NRG1: variants seen among roughly 807,000 people sequenced by gnomAD.
The protein encoded by NRG1 is pro-neuregulin-1, membrane-bound isoform.
In NRG1, 18 loss-of-function variants were observed where a neutral mutation model predicts 63.8. That is an observed-to-expected ratio of 0.28 (90% CI 0.19 to 0.42). NRG1 has a LOEUF of 0.42. Among genes scored for constraint, NRG1 ranks in the 10% least tolerant of loss-of-function variants. NRG1 has a pLI of 1.00. For synonymous variants in NRG1, 302 were observed against 301.3 expected (o/e 1.00, Z -0.02); for missense variants, 762 against 814.7 (o/e 0.94, Z 0.79).
chr8:32,477,910 C>T (rs1423867825), intron 1 of NRG1, among the ~76,000 whole-genome samples: 3 of 152,196 alleles, frequency 2.0e-5, no homozygotes, highest in African/African-American at 7.2e-5. Context: ...AGAAACAAGT[C>T]AGTTTCCCTC....
chr8:32,589,753 C>A (rs1443109085), intron 1 of NRG1, among the ~76,000 whole-genome samples: 1 of 152,140 alleles, frequency 6.6e-6, no homozygotes, highest in African/African-American at 2.4e-5. Flanking sequence ...TTCGATATAG[C>A]TGCACGAATA....
intron 1 of NRG1, among the ~76,000 whole-genome samples, chr8:32,172,733 G>A (rs897137044): frequency 1.3e-5 from 2 of 152,108 alleles, no homozygotes; most frequent in Non-Finnish European, 2.9e-5. Flanking sequence ...TGGAAGAAAG[G>A]GTATCAGTGA....
At position 32,719,498 on chromosome 8, in the gene NRG1, T is replaced by C. The variant is rs796147399; in HGVS notation, c.503-8451T>C. ...GTATGTATCTCTAAAAGATAAGGACTCTTCTATTTTTAAATATATCCATAA... is the reference window on the plus strand; with the variant it reads ...GTATGTATCTCTAAAAGATAAGGACCCTTCTATTTTTAAATATATCCATAA... On this transcript the variant is annotated intron_variant, in intron 5 of 11. Coordinates refer to ENST00000356819, the Ensembl canonical transcript of NRG1. 2.3e-4 allele frequency among the ~76,000 whole-genome samples: 35 copies of C among 152,112 alleles called. 1 individual carries two copies. Among genetic ancestry groups the C allele is most frequent in the African/African-American group, 8.2e-4 (34 of 41,548 alleles).
intron 1 of NRG1, among the ~76,000 whole-genome samples, chr8:32,247,644 T>C (rs1848712053): frequency 6.6e-6 from 1 of 151,976 alleles, no homozygotes; most frequent in Non-Finnish European, 1.5e-5. Context: ...GAGTTACTGA[T>C]AAACAATACT....
At chr8:31,840,645 ATC>A (rs1336377384) in intron 1 of NRG1, among the ~76,000 whole-genome samples, 1 of 152,116 alleles carries the variant, frequency 6.6e-6, no homozygotes, top group Non-Finnish European at 1.5e-5. Flanking sequence ...CAGATGGAAA[ATC>A]ACTAGTGCAC....
At chr8:32,163,112 A>G (rs1165529694) in intron 1 of NRG1, among the ~76,000 whole-genome samples, 1 of 152,236 alleles carries the variant, frequency 6.6e-6, no homozygotes, top group Non-Finnish European at 1.5e-5. Context: ...TATTTATCCA[A>G]TAAGTGGTTC....
exon 12 of NRG1, chr8:32,767,879 A>C (rs1305159222): frequency 6.6e-6 from 1 of 152,190 alleles, no homozygotes; most frequent in African/African-American, 2.4e-5. Context: ...AATACTAAGC[A>C]ATAAGTAATT....
rs549611223 is a variant in NRG1, at chr8:32,393,651, A to G, written c.38-202177A>G. 8.5e-5 allele frequency among the ~76,000 whole-genome samples: 13 copies of G among 152,320 alleles called. No individual in the cohort carries two copies. In the East Asian group the frequency reaches 2.5e-3, roughly 29 times the overall value. ...GCAGGAACAGAAAACCAAATACTGC[A>G]TGTTCTCACTTACAAATGGGAGCTA... On this transcript the variant is annotated intron_variant, in intron 1 of 10. Coordinates refer to the NRG1 transcript ENST00000519301.
At chr8:32,280,980 C>T (rs552911337) in intron 1 of NRG1, among the ~76,000 whole-genome samples, 5 of 150,636 alleles carry the variant, frequency 3.3e-5, no homozygotes, top group African/African-American at 9.8e-5. Context: ...AGGTTGGTCT[C>T]GATCTCCTGA....
intron 1 of NRG1, among the ~76,000 whole-genome samples, chr8:32,326,739 A>T (rs1028864399): frequency 1.5e-4 from 23 of 151,680 alleles, no homozygotes; most frequent in African/African-American, 2.6e-4. Context: ...CTGAATTTTT[A>T]AAAAAATTAG....
chr8:32,104,780 C>T (rs1439880708), intron 1 of NRG1, among the ~76,000 whole-genome samples: 1 of 152,132 alleles, frequency 6.6e-6, no homozygotes, highest in Non-Finnish European at 1.5e-5. Context: ...CTGTCTTCCA[C>T]CTCCACATCT....
chr8:32,091,115 A>G (rs1829072899), intron 1 of NRG1, among the ~76,000 whole-genome samples: 1 of 152,104 alleles, frequency 6.6e-6, no homozygotes, highest in South Asian at 2.1e-4. Flanking sequence ...TGTCTCTACT[A>G]AAAATACAAA....
chr8:32,104,335 A>G (rs1001363206), intron 1 of NRG1, among the ~76,000 whole-genome samples: 1 of 152,192 alleles, frequency 6.6e-6, no homozygotes, highest in Non-Finnish European at 1.5e-5. Flanking sequence ...AAGTACACCT[A>G]TATAAGGCAC....
chr8:32,238,416 C>T (rs897020914), intron 1 of NRG1, among the ~76,000 whole-genome samples: 1 of 150,944 alleles, frequency 6.6e-6, no homozygotes, highest in African/African-American at 2.4e-5. Context: ...GATTGTCCAG[C>T]CTGGACAATA....
chr8:32,557,702 C>T (rs888451625), intron 1 of NRG1, among the ~76,000 whole-genome samples: 13 of 151,874 alleles, frequency 8.6e-5, no homozygotes, highest in East Asian at 3.9e-4. Flanking sequence ...GGAACCTTCC[C>T]GGGGGATTGC....
intron 1 of NRG1, among the ~76,000 whole-genome samples, chr8:32,015,730 C>T (rs1172792187): frequency 6.6e-6 from 1 of 152,144 alleles, no homozygotes; most frequent in African/African-American, 2.4e-5. Context: ...TAAGTGATGT[C>T]CTGACTCTAT....
chr8:32,187,970 T>C (rs995056245), intron 1 of NRG1, among the ~76,000 whole-genome samples: 2 of 152,136 alleles, frequency 1.3e-5, no homozygotes, highest in African/African-American at 4.8e-5. Context: ...ATAAAATACA[T>C]CTCTGAAGGT....
chr8:31,938,366 C>A (rs1206292645), intron 1 of NRG1, among the ~76,000 whole-genome samples: 1 of 152,084 alleles, frequency 6.6e-6, no homozygotes, highest in Non-Finnish European at 1.5e-5. Flanking sequence ...GGGAGAACAC[C>A]ACATCAAGGG....
At chr8:32,050,584 C>G (rs566724262) in intron 1 of NRG1, among the ~76,000 whole-genome samples, 2 of 152,118 alleles carry the variant, frequency 1.3e-5, no homozygotes, top group Non-Finnish European at 2.9e-5. Flanking sequence ...GTGAATACCC[C>G]CTCCACACAT....
Sources: gnomAD v4.1 joint callset for allele counts (sites outside exome capture counted in the v4.1 genomes callset) on GRCh38, gnomAD v4.1.1 for gene constraint, MANE v1.5 for transcripts, NCBI Gene and HGNC (gene_info 2026-07-23, HGNC 2026-07-21) for gene names.